Variants in LRRC72 observed in about 807,000 individuals in gnomAD.
LRRC72 encodes leucine-rich repeat-containing protein 72.
A neutral mutation model predicts 35.8 loss-of-function variants in LRRC72; 41 were observed. The ratio of observed to expected loss-of-function variants is 1.15; its 90% CI spans 0.89 to 1.49. The LOEUF is 1.49. Among genes scored for constraint, LRRC72 ranks in the 40% most tolerant of loss-of-function variants. LRRC72 has a pLI of 0.00. For synonymous variants in LRRC72, 118 were observed against 119.2 expected, an observed-to-expected ratio of 0.99 and a Z score of 0.07; for missense variants, 389 against 330.7, an observed-to-expected ratio of 1.18 and a Z score of -1.37.
intron 3 of LRRC72, among the ~76,000 whole-genome samples, chr7:16,556,493 C>A (rs1242184915): frequency 3.0e-4 from 45 of 152,298 alleles, no homozygotes; most frequent in Non-Finnish European, 1.6e-4. Context: ...CTGTGCCTTG[C>A]CCTCTAATTG....
intron 5 of LRRC72, among the ~76,000 whole-genome samples, chr7:16,559,391 C>T (rs1782706291): frequency 6.7e-6 from 1 of 150,226 alleles, no homozygotes; most frequent in African/African-American, 2.5e-5. Flanking sequence ...AAGACCCTGT[C>T]TCAGAAAAAA....
At chr7:16,551,983 T>C (rs10243773) in intron 3 of LRRC72, among the ~76,000 whole-genome samples, 44,566 of 152,036 alleles carry the variant, frequency 0.29, 6,728 homozygotes, top group East Asian at 0.39. Flanking sequence ...CTGATGCGAT[T>C]TCCAGGGAGA....
At chr7:16,577,654 A>T (rs1463355443) in intron 7 of LRRC72, among the ~76,000 whole-genome samples, 1 of 152,228 alleles carries the variant, frequency 6.6e-6, no homozygotes, top group Non-Finnish European at 1.5e-5. Context: ...GGAAGTCTTT[A>T]TAACATATAT....
chr7:16,571,682 A>G (rs1180316772), intron 7 of LRRC72, among the ~76,000 whole-genome samples: 3 of 152,162 alleles, frequency 2.0e-5, no homozygotes, highest in Admixed American at 6.5e-5. Context: ...CACTTTTCCC[A>G]TGGTCTTCAC....
At chr7:16,532,657 T>A in intron 2 of LRRC72, 89 bp downstream of exon 2, 1 of 1,090,922 alleles carries the variant, frequency 9.2e-7, no homozygotes, top group Non-Finnish European at 1.4e-6. Context: ...TATTTTCCAT[T>A]TTTCCCCCTC....
At chr7:16,578,474 A>G (rs1783082977) in intron 7 of LRRC72, among the ~76,000 whole-genome samples, 1 of 152,174 alleles carries the variant, frequency 6.6e-6, no homozygotes, top group Non-Finnish European at 1.5e-5. Context: ...TGGGCAACAG[A>G]GTGAGACTCC....
intron 7 of LRRC72, among the ~76,000 whole-genome samples, chr7:16,578,531 T>C (rs192673607): frequency 1.3e-4 from 20 of 152,152 alleles, no homozygotes. Flanking sequence ...ACCACACACA[T>C]TGAAAAAATA....
chr7:16,539,053 C>A (rs908022576), intron 3 of LRRC72, among the ~76,000 whole-genome samples: 3 of 152,156 alleles, frequency 2.0e-5, no homozygotes, highest in African/African-American at 4.8e-5. Context: ...AACTTTGGAA[C>A]TGAGTAACAG....
chr7:16,548,080 C>A (rs576004980), intron 3 of LRRC72, among the ~76,000 whole-genome samples: 1 of 152,348 alleles, frequency 6.6e-6, no homozygotes, highest in East Asian at 1.9e-4. Context: ...CTTGAAGAGA[C>A]AACAGGACGA....
rs1191394459 is a variant in LRRC72 at position 16,574,174 on chromosome 7, A to T, written c.671-5900A>T. Among the ~76,000 whole-genome samples, 5 of 152,224 alleles carry T rather than the reference A, an allele frequency of 3.3e-5. No individual in the cohort carries two copies. The East Asian group carries it at 7.7e-4, about 23-fold the overall frequency. On this transcript the variant is annotated intron_variant, in intron 7 of 8. Coordinates refer to ENST00000401542, the MANE Select transcript of LRRC72 (RefSeq NM_001195280.2). ...AACAGATACTGGAGAGGATGTGGAG[A>T]AATAGTAATGCTTTTACACTCTTGG... is the stretch of plus-strand genomic sequence containing the variant.
In LRRC72 at chr7:16,537,679, T is replaced by C. The variant is rs369407971; in HGVS notation, c.217T>C (p.Trp73Arg). 843 of 1,518,106 alleles carry C rather than the reference T, an allele frequency of 5.6e-4. 12 individuals are homozygous for C. In the South Asian group the frequency reaches 1.0e-2, roughly 18 times the overall value. The allele number at this position is 1,518,106 out of a possible 1,614,324, so 94.0% of individuals were successfully genotyped here. ...TAGGTTTAAAAAATTAAAATACTTA[T>C]GGCTTCATCATAACAAGGTAGTGTT... ...LSRFKKLKYL[W>R]LHHNKLHGIT... Residue 73 changes from tryptophan (W) to arginine (R), a missense_variant, in exon 3 of 9, where the codon TGG becomes CGG. Coordinates refer to ENST00000401542, the MANE Select transcript of LRRC72 (RefSeq NM_001195280.2).
chr7:16,555,920 T>A (rs907788324), intron 3 of LRRC72, among the ~76,000 whole-genome samples: 1 of 152,198 alleles, frequency 6.6e-6, no homozygotes, highest in African/African-American at 2.4e-5. Context: ...CCCTGCTAGA[T>A]CCTGTGTTAA....
chr7:16,532,473 C>T, intron 1 of LRRC72, 22 bp from the exon 2 acceptor site: 1 of 1,529,448 alleles, frequency 6.5e-7, no homozygotes, highest in Non-Finnish European at 8.9e-7. Flanking sequence ...TGTAGTTTGA[C>T]AGATTAATTA....
chr7:16,538,411 C>T (rs1339853850), intron 3 of LRRC72, among the ~76,000 whole-genome samples: 4 of 152,242 alleles, frequency 2.6e-5, no homozygotes, highest in African/African-American at 9.6e-5. Context: ...GCCTCTCCAA[C>T]ACTGACTCCT....
At chr7:16,555,716 T>C (rs1011081724) in intron 3 of LRRC72, among the ~76,000 whole-genome samples, 5 of 152,008 alleles carry the variant, frequency 3.3e-5, no homozygotes, top group Admixed American at 3.3e-4. Flanking sequence ...GAGGCAGAGG[T>C]TGCAGTGAGC....
chr7:16,562,697 G>C (rs1166618920), intron 5 of LRRC72, among the ~76,000 whole-genome samples: 1 of 152,208 alleles, frequency 6.6e-6, no homozygotes, highest in Non-Finnish European at 1.5e-5. Context: ...TCTGGGATAC[G>C]GGGAGGGACT....
intron 4 of LRRC72, among the ~76,000 whole-genome samples, chr7:16,558,294 C>A (rs538669914): frequency 1.3e-5 from 2 of 152,178 alleles, no homozygotes; most frequent in Admixed American, 1.3e-4. Context: ...ATCAAACAAA[C>A]AAAATCATTG....
intron 3 of LRRC72, among the ~76,000 whole-genome samples, chr7:16,541,780 C>T (rs756520614): frequency 3.9e-5 from 6 of 152,126 alleles, no homozygotes; most frequent in Non-Finnish European, 5.9e-5. Flanking sequence ...GTTGTGGTGG[C>T]GGGTACCTGT....
chr7:16,578,456 C>G (rs1182604705), intron 7 of LRRC72, among the ~76,000 whole-genome samples: 1 of 152,180 alleles, frequency 6.6e-6, no homozygotes, highest in Non-Finnish European at 1.5e-5. Flanking sequence ...TGCCACTGCA[C>G]TCCAGCCTGG....
Sources: gnomAD v4.1 joint callset for allele counts (sites outside exome capture counted in the v4.1 genomes callset) on GRCh38, gnomAD v4.1.1 for gene constraint, MANE v1.5 for transcripts, NCBI Gene and HGNC (gene_info 2026-07-23, HGNC 2026-07-21) for gene names.